Variants in CSMD1 observed in about 807,000 individuals in gnomAD.
CSMD1 encodes CUB and sushi domain-containing protein 1.
In CSMD1, 213 loss-of-function variants were observed where a neutral mutation model predicts 417.5. The ratio of observed to expected loss-of-function variants is 0.51; its 90% CI spans 0.46 to 0.57. CSMD1 has a LOEUF of 0.57. CSMD1 is among the 20% of genes least tolerant of loss of function. The pLI, the probability that CSMD1 is intolerant of heterozygous loss-of-function variation, is 0.00. For missense variants in CSMD1, 6,923 were observed against 4,529.7 expected, an observed-to-expected ratio of 1.53 and a Z score of -15.17; for synonymous variants, 2,862 against 1,736.8, an observed-to-expected ratio of 1.65 and a Z score of -16.11.
intron 1 of CSMD1, among the ~76,000 whole-genome samples, chr8:4,832,918 T>C (rs1800238247): frequency 6.6e-6 from 1 of 152,162 alleles, no homozygotes. Context: ...ACTCTAAGTT[T>C]AGTACCCTTG....
chr8:3,312,673 C>A (rs117284094), intron 23 of CSMD1, among the ~76,000 whole-genome samples: 3,053 of 152,270 alleles, frequency 0.02, 41 homozygotes, highest in East Asian at 0.036. Context: ...CCCTAGAAAT[C>A]TGAAGCTTCT....
intron 1 of CSMD1, among the ~76,000 whole-genome samples, chr8:4,672,735 ACT>A (rs1476949474): frequency 1.3e-5 from 2 of 152,088 alleles, no homozygotes; most frequent in African/African-American, 4.8e-5. Flanking sequence ...CAACACACGC[ACT>A]CTCATACAGT....
chr8:4,162,242 A>C (rs772515758), intron 3 of CSMD1, among the ~76,000 whole-genome samples: 3 of 152,232 alleles, frequency 2.0e-5, no homozygotes, highest in Non-Finnish European at 4.4e-5. Context: ...TTCATCTAAG[A>C]AACATTCTGC....
intron 52 of CSMD1, among the ~76,000 whole-genome samples, chr8:3,008,148 A>G (rs1186754670): frequency 2.0e-5 from 3 of 152,210 alleles, no homozygotes; most frequent in Non-Finnish European, 4.4e-5. Context: ...TAGCAAAGAA[A>G]TAGAGTATGT....
intron 1 of CSMD1, among the ~76,000 whole-genome samples, chr8:4,880,715 A>T (rs183431324): frequency 1.6e-4 from 24 of 152,176 alleles, no homozygotes; most frequent in African/African-American, 4.3e-4. Context: ...ATAATCATAA[A>T]TATCCCACGT....
intron 3 of CSMD1, among the ~76,000 whole-genome samples, chr8:4,207,138 T>TA (rs1389773474): frequency 2.0e-5 from 3 of 152,146 alleles, no homozygotes; most frequent in Non-Finnish European, 4.4e-5. Flanking sequence ...GGACAGTTGG[T>TA]AAAAATAGGA....
chr8:4,098,521 A>T (rs1167319045), intron 3 of CSMD1, among the ~76,000 whole-genome samples: 1 of 152,152 alleles, frequency 6.6e-6, no homozygotes, highest in African/African-American at 2.4e-5. Context: ...CCAGCTGCGA[A>T]GTCAACCACA....
At chr8:3,230,984 A>G (rs1480587501) in intron 26 of CSMD1, among the ~76,000 whole-genome samples, 1 of 152,096 alleles carries the variant, frequency 6.6e-6, no homozygotes, top group Non-Finnish European at 1.5e-5. Context: ...GTTTCTGGTA[A>G]TCATGTGTAA....
intron 26 of CSMD1, among the ~76,000 whole-genome samples, chr8:3,238,807 C>G (rs1463545411): frequency 2.0e-5 from 3 of 152,114 alleles, no homozygotes; most frequent in Non-Finnish European, 4.4e-5. Context: ...TATTTATTTA[C>G]TTTAAGTGTT....
At chr8:4,415,650 G>C (rs13278687) in intron 3 of CSMD1, among the ~76,000 whole-genome samples, 25,573 of 152,132 alleles carry the variant, frequency 0.17, 2,253 homozygotes, top group East Asian at 0.29. Flanking sequence ...TTGTATTCCT[G>C]TAACTTAACT....
chr8:4,066,771 G>C (rs1250682091), intron 3 of CSMD1, among the ~76,000 whole-genome samples: 1 of 152,140 alleles, frequency 6.6e-6, no homozygotes, highest in African/African-American at 2.4e-5. Context: ...AATACGGAAA[G>C]GGGCGAGAAA....
At chr8:3,217,740 A>C (rs1797961587) in intron 29 of CSMD1, among the ~76,000 whole-genome samples, 1 of 152,178 alleles carries the variant, frequency 6.6e-6, no homozygotes, top group African/African-American at 2.4e-5. Context: ...CATTTTAGTA[A>C]ATACCCCTAA....
chr8:4,826,978 G>T (rs1006466121), intron 1 of CSMD1, among the ~76,000 whole-genome samples: 5 of 151,996 alleles, frequency 3.3e-5, no homozygotes, highest in Non-Finnish European at 7.4e-5. Context: ...CGTTGAATAC[G>T]ACGGTAAGAA....
Position 3,296,910 on chromosome 8 carries a change from G to C in CSMD1, c.3950+10785C>G, listed in dbSNP as rs80123879. On this transcript the variant is annotated intron_variant, in intron 25 of 69. Coordinates refer to ENST00000635120, the MANE Select transcript of CSMD1 (RefSeq NM_033225.6). ...GAGGGGTATGTAGGTAGCTGTTCAC[G>C]TAAGTTGGAGTTTCAGAGAGAAGTC... 1.4e-4 allele frequency among the ~76,000 whole-genome samples: 21 copies of C among 152,236 alleles called. 1 individual carries two copies. The East Asian group carries it at 3.5e-3, about 25-fold the overall frequency.
At position 4,876,870 on chromosome 8, in the gene CSMD1, G is replaced by C. The variant is rs148906586; in HGVS notation, c.85+117462C>G. Among the ~76,000 whole-genome samples the C allele has an allele frequency of 2.5e-3, 383 of 152,078 alleles. 3 individuals are homozygous for C. The highest frequency in any genetic ancestry group is 8.9e-3 in the African/African-American group (367 of 41,454). On this transcript the variant is annotated intron_variant, in intron 1 of 69. Coordinates refer to ENST00000635120, the MANE Select transcript of CSMD1 (RefSeq NM_033225.6). ...AAGATTTTCACAACATTGTAGGTAA[G>C]AATGAGCAAAAAGGCAAAGAACACA...
chr8:4,832,862 C>G (rs143244383), intron 1 of CSMD1, among the ~76,000 whole-genome samples: 1 of 152,036 alleles, frequency 6.6e-6, no homozygotes, highest in African/African-American at 2.4e-5. Context: ...TGTGTGAGGG[C>G]GTATGAGAAC....
intron 25 of CSMD1, among the ~76,000 whole-genome samples, chr8:3,294,920 C>G (rs1040707404): frequency 1.3e-5 from 2 of 152,078 alleles, no homozygotes; most frequent in African/African-American, 4.8e-5. Flanking sequence ...GTCATTCATG[C>G]TGGGAGCTGT....
chr8:3,586,899 A>G (rs1335557587), intron 8 of CSMD1, among the ~76,000 whole-genome samples: 1 of 152,162 alleles, frequency 6.6e-6, no homozygotes, highest in Non-Finnish European at 1.5e-5. Context: ...TCCGGGGTTC[A>G]AGCTATTCTC....
chr8:3,971,038 A>T (rs1435331447), intron 5 of CSMD1, among the ~76,000 whole-genome samples: 1 of 152,152 alleles, frequency 6.6e-6, no homozygotes, highest in Non-Finnish European at 1.5e-5. Flanking sequence ...GGCATGAGTC[A>T]CCGCGCCCGG....
Sources: allele counts gnomAD v4.1 joint callset (sites outside exome capture counted in the v4.1 genomes callset), GRCh38; gene constraint gnomAD v4.1.1; transcripts MANE v1.5; gene names NCBI Gene and HGNC (gene_info 2026-07-23, HGNC 2026-07-21).